The following RAB4A variants were observed in gnomAD, a reference collection of about 807,000 sequenced individuals.
RAB4A encodes the protein RAB4A, member RAS oncogene family.
In RAB4A, 20 loss-of-function variants were observed where a neutral mutation model predicts 34.5. The ratio of observed to expected loss-of-function variants is 0.58; its 90% CI spans 0.41 to 0.84. The LOEUF (loss-of-function observed/expected upper bound fraction) is 0.84. Among genes scored for constraint, RAB4A ranks in the 40% least tolerant of loss-of-function variants. The pLI is 0.00. For missense variants in RAB4A, 228 were observed against 274.5 expected, an observed-to-expected ratio of 0.83 and a Z score of 1.20; for synonymous variants, 102 against 100.0, an observed-to-expected ratio of 1.02 and a Z score of -0.12.
chr1:229,276,001 C>T (rs1337536820), intron 1 of RAB4A, among the ~76,000 whole-genome samples: 2 of 151,234 alleles, frequency 1.3e-5, no homozygotes, highest in Non-Finnish European at 2.9e-5. Flanking sequence ...ACCCCAATTG[C>T]CCTTTACCTT....
intron 7 of RAB4A, among the ~76,000 whole-genome samples, chr1:229,303,287 A>G (rs934180934): frequency 6.6e-6 from 1 of 151,860 alleles, no homozygotes; most frequent in Non-Finnish European, 1.5e-5. Context: ...TGAGCCTGGG[A>G]GGCGGAGGTT....
rs537934600 is a variant in RAB4A at position 229,277,766 on chromosome 1, C to G, written c.31+6396C>G. Among the ~76,000 whole-genome samples, 5 of 151,400 alleles carry G rather than the reference C, an allele frequency of 3.3e-5. 1 individual carries two copies. Among genetic ancestry groups the G allele is most frequent in the African/African-American group, 9.8e-5 (4 of 40,718 alleles). On this transcript the variant is annotated intron_variant, in intron 1 of 7. Coordinates refer to ENST00000366690, the MANE Select transcript of RAB4A (RefSeq NM_004578.4). ...TACCACCTCTTCAGGTACTCACTTC[C>G]CTGACTGCTCCCTGGACTTTGTCAC...
intron 1 of RAB4A, among the ~76,000 whole-genome samples, chr1:229,284,180 A>G (rs12123026): frequency 7.4e-6 from 1 of 134,612 alleles, no homozygotes; most frequent in Non-Finnish European, 1.5e-5. Flanking sequence ...GCCCATTGCA[A>G]CCTCCACCTC....
chr1:229,276,578 C>T (rs1387108899), intron 1 of RAB4A, among the ~76,000 whole-genome samples: 1 of 151,282 alleles, frequency 6.6e-6, no homozygotes, highest in Non-Finnish European at 1.5e-5. Context: ...ACAAATTATT[C>T]ACGCCTATGC....
At chr1:229,303,037 C>A in intron 7 of RAB4A, 48 bp downstream of exon 7, 1 of 1,332,188 alleles carries the variant, frequency 7.5e-7, no homozygotes. Context: ...AGCTCAAGTG[C>A]AGAGGCCTGT....
chr1:229,278,340 A>G (rs554172618), intron 1 of RAB4A, among the ~76,000 whole-genome samples: 9 of 152,340 alleles, frequency 5.9e-5, no homozygotes, highest in Admixed American at 5.9e-4. Context: ...GATTGAGATC[A>G]TTGCAGATGT....
At chr1:229,280,814 A>G (rs544980432) in intron 1 of RAB4A, among the ~76,000 whole-genome samples, 24 of 152,318 alleles carry the variant, frequency 1.6e-4, no homozygotes, top group Non-Finnish European at 3.2e-4. Flanking sequence ...AGCCTTTGGC[A>G]ACCACTATTC....
At chr1:229,278,799 C>T (rs1656710755) in intron 1 of RAB4A, among the ~76,000 whole-genome samples, 1 of 152,190 alleles carries the variant, frequency 6.6e-6, no homozygotes, top group African/African-American at 2.4e-5. Context: ...TTCCTTCATT[C>T]TTCAACTGAC....
rs778595993 is a variant in RAB4A, at chr1:229,297,471, A to G, written c.291-11A>G. ...ATACATGTATTATTTTCACAATCTT[A>G]TATTACGCAGCCGAGAAACCTACAA... On this transcript the variant is annotated splice_polypyrimidine_tract_variant and intron_variant, in intron 4 of 7. Coordinates refer to ENST00000366690, the MANE Select transcript of RAB4A (RefSeq NM_004578.4). 1.9e-6 allele frequency: 3 copies of G among 1,584,644 alleles called. No homozygotes were observed. Among genetic ancestry groups the G allele is most frequent in the Non-Finnish European group, 8.5e-7 (1 of 1,170,496 alleles).
At chr1:229,291,810 A>G (rs1229562659) in intron 3 of RAB4A, among the ~76,000 whole-genome samples, 1 of 152,104 alleles carries the variant, frequency 6.6e-6, no homozygotes, top group African/African-American at 2.4e-5. Flanking sequence ...CTTTAAAACT[A>G]TCCACATGTA....
intron 1 of RAB4A, among the ~76,000 whole-genome samples, chr1:229,278,825 G>A (rs1211298032): frequency 6.6e-6 from 1 of 152,166 alleles, no homozygotes; most frequent in Non-Finnish European, 1.5e-5. Flanking sequence ...TTAGGATTTT[G>A]CCCCCACCTG....
chr1:229,300,109 A>G (rs995290392), intron 6 of RAB4A, among the ~76,000 whole-genome samples: 2 of 152,368 alleles, frequency 1.3e-5, no homozygotes, highest in African/African-American at 2.4e-5. Flanking sequence ...ACTGAGATGC[A>G]TTAAAAGTTC....
intron 3 of RAB4A, among the ~76,000 whole-genome samples, chr1:229,291,626 C>A (rs185187222): frequency 5.9e-5 from 9 of 152,176 alleles, no homozygotes; most frequent in Admixed American, 3.9e-4. Flanking sequence ...CCCCTGTGCC[C>A]AGAATAGTGT....
At chr1:229,284,837 A>G (rs1656882146) in intron 1 of RAB4A, among the ~76,000 whole-genome samples, 1 of 152,060 alleles carries the variant, frequency 6.6e-6, no homozygotes, top group Admixed American at 6.6e-5. Context: ...TTTTAATTTC[A>G]AAATTCCTGT....
At position 229,302,890 on chromosome 1, in the gene RAB4A, A is replaced by T; in HGVS notation, c.570A>T (p.Ser190=). Residue 190 remains serine (S), a synonymous_variant, in exon 7 of 8, where the codon TCA becomes TCT. Transcript: ENST00000366690. ...SGELDPERMG[S]GIQYGDAALR... Reference sequence around the variant, plus strand: ...AGCTGGACCCAGAAAGAATGGGCTCAGGTATTCAGTACGGAGATGCTGCCT... The same window carrying T: ...AGCTGGACCCAGAAAGAATGGGCTCTGGTATTCAGTACGGAGATGCTGCCT... The T allele has an allele frequency of 6.2e-7, 1 of 1,613,674 alleles. No homozygotes were observed. Among genetic ancestry groups the T allele is most frequent in the Non-Finnish European group, 8.5e-7 (1 of 1,179,750 alleles).
At chr1:229,291,030 G>A (rs1276532124) in intron 3 of RAB4A, among the ~76,000 whole-genome samples, 1 of 152,172 alleles carries the variant, frequency 6.6e-6, no homozygotes, top group East Asian at 1.9e-4. Flanking sequence ...AGGAAGACCA[G>A]AAAGGTTCCA....
chr1:229,289,011 A>G, intron 3 of RAB4A, 168 bp downstream of exon 3: 1 of 592,920 alleles, frequency 1.7e-6, no homozygotes, highest in Non-Finnish European at 3.0e-6. Context: ...GCTAAAATTT[A>G]GGTTAGCTCT....
chr1:229,274,684 A>G (rs1049922086), intron 1 of RAB4A, among the ~76,000 whole-genome samples: 22 of 152,364 alleles, frequency 1.4e-4, no homozygotes, highest in African/African-American at 5.3e-4. Context: ...GACCTGGGAG[A>G]TTACAAATTG....
At chr1:229,283,831 A>G (rs749741823) in intron 1 of RAB4A, among the ~76,000 whole-genome samples, 1 of 151,656 alleles carries the variant, frequency 6.6e-6, no homozygotes, top group African/African-American at 2.4e-5. Flanking sequence ...GGTTCAAGCA[A>G]TTCTCCTGCC....
Sources: allele counts gnomAD v4.1 joint callset (sites outside exome capture counted in the v4.1 genomes callset), GRCh38; gene constraint gnomAD v4.1.1; transcripts MANE v1.5; gene names NCBI Gene and HGNC (gene_info 2026-07-23, HGNC 2026-07-21).